The following CSMD1 variants were observed in gnomAD, a reference collection of about 807,000 sequenced individuals.
CSMD1 encodes the protein CUB and Sushi multiple domains 1.
In CSMD1, 213 loss-of-function variants were observed where a neutral mutation model predicts 417.5. The ratio of observed to expected loss-of-function variants is 0.51; its 90% CI spans 0.46 to 0.57. The LOEUF (loss-of-function observed/expected upper bound fraction) is 0.57. Ranked by LOEUF, CSMD1 falls within the 20% of genes least tolerant of loss-of-function variation. The pLI is 0.00. For missense variants in CSMD1, 6,923 were observed against 4,529.7 expected, an observed-to-expected ratio of 1.53 and a Z score of -15.17; for synonymous variants, 2,862 against 1,736.8, an observed-to-expected ratio of 1.65 and a Z score of -16.11.
chr8:2,968,278 G>T (rs561930229), intron 57 of CSMD1, among the ~76,000 whole-genome samples: 1 of 152,282 alleles, frequency 6.6e-6, no homozygotes, highest in East Asian at 1.9e-4. Context: ...TCACAGAAAG[G>T]GAGTGAGTTT....
chr8:3,287,372 A>C (rs1209175759), intron 25 of CSMD1, among the ~76,000 whole-genome samples: 1 of 152,086 alleles, frequency 6.6e-6, no homozygotes, highest in East Asian at 1.9e-4. Context: ...GATGGCATTG[A>C]ATCTATAAAT....
intron 2 of CSMD1, among the ~76,000 whole-genome samples, chr8:4,629,358 G>A (rs1159777128): frequency 6.6e-6 from 1 of 152,102 alleles, no homozygotes; most frequent in Non-Finnish European, 1.5e-5. Context: ...ATTCAGAATG[G>A]CGAGCTATCA....
At chr8:4,052,226 G>A (rs1407918363) in intron 3 of CSMD1, among the ~76,000 whole-genome samples, 2 of 152,264 alleles carry the variant, frequency 1.3e-5, no homozygotes, top group East Asian at 1.9e-4. Flanking sequence ...TGCCCACCCA[G>A]TACTGCAGGA....
chr8:4,856,718 A>G (rs1179144277), intron 1 of CSMD1, among the ~76,000 whole-genome samples: 1 of 149,632 alleles, frequency 6.7e-6, no homozygotes, highest in South Asian at 2.1e-4. Flanking sequence ...AGAGCTAACT[A>G]TCCTAAATAT....
rs540273804 is a variant in CSMD1 at position 3,264,716 on chromosome 8, G to A, written c.4153+19428C>T. 1.4e-4 allele frequency among the ~76,000 whole-genome samples: 22 copies of A among 152,224 alleles called. No individual in the cohort carries two copies. In the East Asian group the frequency reaches 3.1e-3, roughly 21 times the overall value. ...TGTCCTAATTTAACTTAATTAACTA[G>A]GAAATGATTGCTAATAGAGTTTAAT... On this transcript the variant is annotated intron_variant, in intron 26 of 69. Transcript: ENST00000635120.
At chr8:3,650,641 G>A (rs558046300) in intron 7 of CSMD1, among the ~76,000 whole-genome samples, 1 of 152,268 alleles carries the variant, frequency 6.6e-6, no homozygotes, top group East Asian at 1.9e-4. Flanking sequence ...GGATATTTAA[G>A]AGAACACTAC....
At chr8:4,756,329 A>C (rs757704866) in intron 1 of CSMD1, among the ~76,000 whole-genome samples, 3 of 152,174 alleles carry the variant, frequency 2.0e-5, no homozygotes, top group South Asian at 2.1e-4. Context: ...CAGAAACACC[A>C]TAACTCATCA....
chr8:3,245,651 T>G (rs1216246274), intron 26 of CSMD1, among the ~76,000 whole-genome samples: 1 of 152,196 alleles, frequency 6.6e-6, no homozygotes, highest in Non-Finnish European at 1.5e-5. Context: ...TGACTCCAAG[T>G]TGCAAAACGG....
At chr8:4,750,353 T>C (rs1676948) in intron 1 of CSMD1, among the ~76,000 whole-genome samples, 31,530 of 152,032 alleles carry the variant, frequency 0.21, 3,894 homozygotes, top group African/African-American at 0.35. Flanking sequence ...GAACAGAAAA[T>C]TGAGTTGCTT....
At chr8:3,471,263 C>G (rs148177115) in intron 11 of CSMD1, among the ~76,000 whole-genome samples, 2 of 152,212 alleles carry the variant, frequency 1.3e-5, no homozygotes, top group East Asian at 3.9e-4. Flanking sequence ...GTTTATTTGC[C>G]ATTTATACGT....
intron 1 of CSMD1, among the ~76,000 whole-genome samples, chr8:4,764,074 G>A (rs749446636): frequency 1.3e-5 from 2 of 152,156 alleles, no homozygotes; most frequent in Non-Finnish European, 2.9e-5. Flanking sequence ...CACTCTGTCT[G>A]CATCATCTAT....
intron 1 of CSMD1, among the ~76,000 whole-genome samples, chr8:4,899,745 A>G (rs1407899837): frequency 6.6e-6 from 1 of 152,216 alleles, no homozygotes; most frequent in East Asian, 1.9e-4. Flanking sequence ...CTTGTGGGAA[A>G]AGAAAAAGCT....
In CSMD1 at chr8:4,000,031, A is replaced by G. The variant is rs185217580; in HGVS notation, c.611-1921T>C. Among the ~76,000 whole-genome samples the G allele has an allele frequency of 7.2e-5, 11 of 152,358 alleles. No homozygotes were observed. The East Asian group carries it at 1.9e-3, about 27-fold the overall frequency. On this transcript the variant is annotated intron_variant, in intron 4 of 69. Transcript: ENST00000635120. ...TGTAAAACCAAACACGAATAAAAAT[A>G]ACTGTGTGTATACTACAATTTGAAA...
chr8:4,542,655 T>C (rs1441073096), intron 2 of CSMD1, among the ~76,000 whole-genome samples: 1 of 152,236 alleles, frequency 6.6e-6, no homozygotes, highest in African/African-American at 2.4e-5. Flanking sequence ...ATTAACAGAC[T>C]ATATCACCAC....
intron 10 of CSMD1, among the ~76,000 whole-genome samples, chr8:3,494,094 T>C (rs1796260668): frequency 6.6e-6 from 1 of 152,250 alleles, no homozygotes; most frequent in Non-Finnish European, 1.5e-5. Flanking sequence ...CATATATTTT[T>C]ACCATATCCA....
At position 4,253,384 on chromosome 8, in the gene CSMD1, T is replaced by C. The variant is rs548400171; in HGVS notation, c.415+166569A>G. The stretch of plus-strand genomic sequence containing the variant: ...TACGCATTTAAATGCATTTTTTTCA[T>C]TGAGTCCATAATCTCAAATTTATAT... On this transcript the variant is annotated intron_variant, in intron 3 of 69. Coordinates refer to ENST00000635120, the MANE Select transcript of CSMD1 (RefSeq NM_033225.6). Among the ~76,000 whole-genome samples the C allele has an allele frequency of 3.9e-5, 6 of 151,988 alleles. No homozygotes were observed. The South Asian group carries it at 8.4e-4, about 21-fold the overall frequency.
At chr8:4,086,894 G>A (rs115651902) in intron 3 of CSMD1, among the ~76,000 whole-genome samples, 1 of 152,158 alleles carries the variant, frequency 6.6e-6, no homozygotes, top group Non-Finnish European at 1.5e-5. Context: ...GTAAATGTTG[G>A]CAACAATCAG....
chr8:3,101,388 G>A lies in CSMD1; in HGVS notation c.6950-4351C>T, dbSNP rs896372426. Among the ~76,000 whole-genome samples the A allele has an allele frequency of 9.2e-5, 14 of 152,276 alleles. No homozygotes were observed. In the South Asian group the frequency reaches 1.5e-3, roughly 16 times the overall value. On this transcript the variant is annotated intron_variant, in intron 46 of 69. Coordinates refer to ENST00000635120, the MANE Select transcript of CSMD1 (RefSeq NM_033225.6). ...TCTTACTCAGGTTTTTCTACATTAA[G>A]ATGAGTGTCTAGCACAGTAATATCT...
At chr8:3,734,651 C>T (rs905838245) in intron 6 of CSMD1, among the ~76,000 whole-genome samples, 2 of 152,150 alleles carry the variant, frequency 1.3e-5, no homozygotes, top group Non-Finnish European at 2.9e-5. Flanking sequence ...GCGGAGGTCG[C>T]AGTGAGCCAA....
Sources: allele counts gnomAD v4.1 joint callset (sites outside exome capture counted in the v4.1 genomes callset), GRCh38; gene constraint gnomAD v4.1.1; transcripts MANE v1.5; gene names NCBI Gene and HGNC (gene_info 2026-07-23, HGNC 2026-07-21).